The following ANKRD36 variants were observed in gnomAD, a reference collection of about 807,000 sequenced individuals.
ANKRD36 encodes ankyrin repeat domain-containing protein 36A.
Under a neutral mutation model 278.1 loss-of-function variants are expected in ANKRD36, and 179 were observed. The observed-to-expected ratio is 0.64, with a 90% CI of 0.57 to 0.73. ANKRD36 has a LOEUF of 0.73. Among genes scored for constraint, ANKRD36 ranks in the 30% least tolerant of loss-of-function variants. ANKRD36 has a pLI of 0.00. For synonymous variants in ANKRD36, 320 were observed against 641.1 expected (o/e 0.50, Z 7.57); for missense variants, 1,159 against 1,956.7 (o/e 0.59, Z 7.69).
At chr2:97,225,144 A>G (rs1189356574) in intron 67 of ANKRD36, among the ~76,000 whole-genome samples, 23 of 151,818 alleles carry the variant, frequency 1.5e-4, no homozygotes. Flanking sequence ...ATAACTTCCT[A>G]TTATAATAAA....
chr2:97,182,112 G>A (rs1049799776), intron 26 of ANKRD36, among the ~76,000 whole-genome samples: 1 of 151,330 alleles, frequency 6.6e-6, no homozygotes, highest in Admixed American at 6.6e-5. Flanking sequence ...AAGAGATGAA[G>A]TATAGATTTT....
chr2:97,141,344 AT>A (rs2042868043), intron 6 of ANKRD36, among the ~76,000 whole-genome samples: 1 of 144,924 alleles, frequency 6.9e-6, no homozygotes, highest in South Asian at 2.2e-4. Flanking sequence ...ATTATGCATG[AT>A]TTCTTTGACA....
chr2:97,200,344 G>GA lies in ANKRD36; in HGVS notation c.2772dup (p.Pro925ThrfsTer8), dbSNP rs1380550081. ...CCTTTTGCTTTTCAGTGTCTTCTCGGAAAAAACCATCCTTGGAGGTAATGA... is the reference window on the plus strand; with the variant it reads ...CCTTTTGCTTTTCAGTGTCTTCTCGGAAAAAAACCATCCTTGGAGGTAATGA... On this transcript the variant is annotated frameshift_variant, in exon 45 of 76. Coordinates refer to ENST00000420699, the MANE Select transcript of ANKRD36 (RefSeq NM_001354587.1). LOFTEE classifies it high-confidence loss of function. 16 of 1,606,896 alleles carry GA rather than the reference G, an allele frequency of 1.0e-5. No individual in the cohort carries two copies. Among genetic ancestry groups the GA allele is most frequent in the East Asian group, 2.2e-5 (1 of 44,730 alleles).
intron 69 of ANKRD36, among the ~76,000 whole-genome samples, chr2:97,242,307 G>C (rs1158185484): frequency 3.3e-5 from 5 of 149,390 alleles, no homozygotes; most frequent in African/African-American, 1.2e-4. Context: ...AAAAAAAAAT[G>C]TATCCAGTTT....
chr2:97,248,415 A>G (rs2075589748), intron 72 of ANKRD36: 2 of 114,200 alleles, frequency 1.8e-5, no homozygotes, highest in Admixed American at 1.7e-4. Context: ...GTTTAAGATG[A>G]CGCTTTTAAA....
chr2:97,173,019 A>G (rs1257954762), intron 22 of ANKRD36, among the ~76,000 whole-genome samples: 1 of 150,454 alleles, frequency 6.6e-6, no homozygotes, highest in African/African-American at 2.4e-5. Flanking sequence ...GCAAAAAATT[A>G]TGTCAGTGCT....
chr2:97,118,518 G>A lies in ANKRD36; in HGVS notation c.486+1G>A. Reference sequence around the variant, plus strand: ...TACAAATATTGAAGAATGCAGCAAGGTATAGGTCAACCAATGTTATTTTCA... The same window carrying A: ...TACAAATATTGAAGAATGCAGCAAGATATAGGTCAACCAATGTTATTTTCA... On this transcript the variant is annotated splice_donor_variant, in intron 3 of 75. Transcript: ENST00000420699. LOFTEE classifies it high-confidence loss of function. 1 of 1,559,692 alleles carries A rather than the reference G, an allele frequency of 6.4e-7. No individual in the cohort carries two copies. The highest frequency in any genetic ancestry group is 8.7e-7 in the Non-Finnish European group (1 of 1,152,178).
At position 97,113,951 on chromosome 2, in the gene ANKRD36, G is replaced by T; in HGVS notation, c.197+15G>T. ...AGGAAGGAAAGGTAATGGGGGCCGG[G>T]AGCCGGGGCTGCGGGAGGAGGCCTG... On this transcript the variant is annotated intron_variant, in intron 1 of 75. Transcript: ENST00000420699. 6.2e-7 allele frequency: 1 copy of T among 1,607,576 alleles called. No homozygotes were observed.
intron 46 of ANKRD36, 52 bp downstream of exon 46, chr2:97,200,577 T>C: frequency 6.5e-7 from 1 of 1,536,824 alleles, no homozygotes; most frequent in Admixed American, 2.0e-5. Flanking sequence ...TAAGAAGTTC[T>C]CTTCCCCGAA....
At chr2:97,156,400 G>A (rs1185053574) in intron 15 of ANKRD36, among the ~76,000 whole-genome samples, 1 of 138,394 alleles carries the variant, frequency 7.2e-6, no homozygotes, top group African/African-American at 2.5e-5. Context: ...TCCCCAGAGT[G>A]TGATATTCCC....
chr2:97,186,485 T>C (rs1043154938), intron 30 of ANKRD36, among the ~76,000 whole-genome samples: 9 of 150,478 alleles, frequency 6.0e-5, no homozygotes, highest in African/African-American at 1.9e-4. Context: ...ATGTCAAAAT[T>C]GATAATTGAT....
chr2:97,146,256 C>G (rs947643708), intron 10 of ANKRD36, among the ~76,000 whole-genome samples: 3 of 149,430 alleles, frequency 2.0e-5, no homozygotes, highest in Admixed American at 6.7e-5. Flanking sequence ...TGTGACCCAC[C>G]GAGCCCTGCC....
chr2:97,235,436 C>G (rs1299994774), intron 68 of ANKRD36, among the ~76,000 whole-genome samples: 1 of 141,320 alleles, frequency 7.1e-6, no homozygotes, highest in Non-Finnish European at 1.5e-5. Flanking sequence ...TTCAGTAAAC[C>G]CACTGTAAAG....
intron 6 of ANKRD36, among the ~76,000 whole-genome samples, chr2:97,132,507 G>A (rs1286657762): frequency 6.7e-6 from 1 of 150,044 alleles, no homozygotes; most frequent in East Asian, 1.9e-4. Flanking sequence ...TATTCATGCG[G>A]AAATACAGGA....
intron 11 of ANKRD36, among the ~76,000 whole-genome samples, chr2:97,147,720 T>C (rs1009106317): frequency 3.0e-4 from 45 of 151,804 alleles, no homozygotes; most frequent in Non-Finnish European, 6.2e-4. Context: ...CTGTTGAACC[T>C]AATGAAAGTG....
chr2:97,194,063 G>T (rs193052853), intron 38 of ANKRD36, among the ~76,000 whole-genome samples: 72 of 151,684 alleles, frequency 4.7e-4, no homozygotes, highest in Admixed American at 9.2e-4. Context: ...TTATCCTTTG[G>T]TGGCAAGATT....
intron 44 of ANKRD36, among the ~76,000 whole-genome samples, chr2:97,198,925 A>G (rs2060536902): frequency 1.3e-5 from 2 of 151,864 alleles, no homozygotes; most frequent in Admixed American, 6.6e-5. Flanking sequence ...CCGGGGAACA[A>G]CATAATTTTG....
rs767517664 is a variant in ANKRD36, at chr2:97,196,614, C to G, written c.2573C>G (p.Thr858Ser). The change falls in exon 41 of 76, where the codon ACC (threonine) becomes AGC (serine). Residue 858 changes from threonine to serine, a missense_variant. Transcript: ENST00000420699. The part of the protein sequence containing the change: ...SRKVSSQKPP[T>S]LKGTSDEEDS... ...TCAGTGTCTTCTCAGAAACCACCAA[C>G]CTTGAAGGTAATGAAACTCCCATTT... 1 of 1,604,472 alleles carries G rather than the reference C, an allele frequency of 6.2e-7. No individual in the cohort carries two copies. Among genetic ancestry groups the G allele is most frequent in the East Asian group, 2.2e-5 (1 of 44,546 alleles).
intron 6 of ANKRD36, among the ~76,000 whole-genome samples, chr2:97,135,599 G>A (rs533283058): frequency 6.6e-5 from 10 of 150,814 alleles, no homozygotes; most frequent in South Asian, 2.1e-4. Flanking sequence ...TTGACTATAT[G>A]TCAGAAAGAA....
Sources: allele counts gnomAD v4.1 joint callset (sites outside exome capture counted in the v4.1 genomes callset), GRCh38; gene constraint gnomAD v4.1.1; transcripts MANE v1.5; gene names NCBI Gene and HGNC (gene_info 2026-07-23, HGNC 2026-07-21).